Variants in ATP11B observed in about 807,000 individuals in gnomAD.
ATP11B encodes ATPase phospholipid transporting 11B (putative).
A neutral mutation model predicts 157.8 loss-of-function variants in ATP11B; 81 were observed. The observed-to-expected ratio is 0.51, with a 90% CI of 0.43 to 0.62. The LOEUF is 0.62. Ranked by LOEUF, ATP11B falls within the 20% of genes least tolerant of loss-of-function variation. The pLI, the probability that ATP11B is intolerant of heterozygous loss-of-function variation, is 0.00. For synonymous variants in ATP11B, 451 were observed against 469.4 expected, an observed-to-expected ratio of 0.96 and a Z score of 0.51; for missense variants, 1,165 against 1,402.2, an observed-to-expected ratio of 0.83 and a Z score of 2.70.
At chr3:182,913,662 T>C (rs1724950736) in intron 28 of ATP11B, among the ~76,000 whole-genome samples, 199 bp from the exon 29 acceptor site, 1 of 152,246 alleles carries the variant, frequency 6.6e-6, no homozygotes, top group Non-Finnish European at 1.5e-5. Context: ...ACCTCTAATT[T>C]AGGATACAAG....
At chr3:182,889,388 CT>C (rs753714126) in intron 24 of ATP11B, 21 bp from the exon 25 acceptor site, 1 of 1,488,890 alleles carries the variant, frequency 6.7e-7, no homozygotes, top group Non-Finnish European at 9.0e-7. Context: ...TAATATGTTT[CT>C]TTTTCTCTTC....
chr3:182,859,260 T>G lies in ATP11B; in HGVS notation c.1101T>G (p.Leu367=), dbSNP rs1262935131. 2 of 1,612,552 alleles carry G rather than the reference T, an allele frequency of 1.2e-6. No homozygotes were observed. The highest frequency in any genetic ancestry group is 1.7e-6 in the Non-Finnish European group (2 of 1,179,226). Residue 367 remains leucine, a synonymous_variant, in exon 12 of 30, where the codon CTT becomes CTG. Coordinates refer to ENST00000323116, the MANE Select transcript of ATP11B (RefSeq NM_014616.3). ...LYVTVEMQKF[L]GSFFIGWDLD... ...TGACAGTCGAAATGCAGAAATTTCT[T>G]GGATCATTTTTTATTGGCTGGGATC...
chr3:182,875,607 A>G (rs796974535), intron 19 of ATP11B, among the ~76,000 whole-genome samples: 1 of 152,070 alleles, frequency 6.6e-6, no homozygotes, highest in Non-Finnish European at 1.5e-5. Context: ...GTGCCCAGCT[A>G]ATTTTGTATT....
chr3:182,886,554 G>T (rs1463531221), intron 23 of ATP11B, among the ~76,000 whole-genome samples: 1 of 152,022 alleles, frequency 6.6e-6, no homozygotes, highest in Non-Finnish European at 1.5e-5. Flanking sequence ...GCACAAGGTG[G>T]GTCTTTGTTT....
intron 6 of ATP11B, 109 bp downstream of exon 6, chr3:182,836,579 G>T (rs1348628477): frequency 2.4e-6 from 3 of 1,268,622 alleles, no homozygotes; most frequent in Admixed American, 2.4e-5. Flanking sequence ...TTAAGGGGAA[G>T]TTTTTAAAAT....
chr3:182,898,700 A>C lies in ATP11B; in HGVS notation c.3246A>C (p.Thr1082=). 1.2e-6 allele frequency: 2 copies of C among 1,603,860 alleles called. No homozygotes were observed. ...AWFAIILMVV[T]CLFLDIIKKV... The stretch of plus-strand genomic sequence containing the variant: ...TTGCCATAATCCTCATGGTTGTTAC[A>C]TGTCTATTTCTTGATATCATAAAGA... The change falls in exon 28 of 30, where the codon ACA becomes ACC. Residue 1082 remains threonine, a synonymous_variant. Coordinates refer to ENST00000323116, the MANE Select transcript of ATP11B (RefSeq NM_014616.3).
intron 7 of ATP11B, 152 bp from the exon 8 acceptor site, chr3:182,841,923 G>GAGC: frequency 2.1e-6 from 1 of 476,758 alleles, no homozygotes; most frequent in East Asian, 4.2e-5. Context: ...AGCTTGCAGT[G>GAGC]AGCCGAGATC....
intron 23 of ATP11B, among the ~76,000 whole-genome samples, chr3:182,886,236 A>T (rs763674921): frequency 2.0e-5 from 3 of 152,120 alleles, no homozygotes; most frequent in Non-Finnish European, 4.4e-5. Context: ...GTAATTCTGG[A>T]TGCTTTTAAA....
At chr3:182,902,177 C>T (rs1325352171) in intron 28 of ATP11B, among the ~76,000 whole-genome samples, 1 of 152,190 alleles carries the variant, frequency 6.6e-6, no homozygotes, top group East Asian at 1.9e-4. Flanking sequence ...AGAAAGCTAT[C>T]AGCTACTTCA....
chr3:182,841,940 C>CTGCACTCCA, intron 7 of ATP11B, 135 bp from the exon 8 acceptor site: 1 of 526,146 alleles, frequency 1.9e-6, no homozygotes, highest in East Asian at 3.6e-5. Context: ...GATCGCACCA[C>CTGCACTCCA]TGCACTCCAG....
At chr3:182,861,657 T>C (rs1314251151) in intron 12 of ATP11B, among the ~76,000 whole-genome samples, 1 of 152,206 alleles carries the variant, frequency 6.6e-6, no homozygotes, top group Non-Finnish European at 1.5e-5. Context: ...CACAAAGTTT[T>C]GATTATGCTC....
rs1235194137 is a variant in ATP11B at position 182,865,646 on chromosome 3, A to G, written c.1391A>G (p.His464Arg). 7 of 1,613,660 alleles carry G rather than the reference A, an allele frequency of 4.3e-6. No homozygotes were observed. Among genetic ancestry groups the G allele is most frequent in the East Asian group, 2.2e-5 (1 of 44,814 alleles). ...TTATCCCATCTTAACAACTTATCCC[A>G]TCTTACAACCAGTTCCTCTTTCAGA... ...SSLSHLNNLSHLTTSSSFRTS... is the reference protein window; with the variant it reads ...SSLSHLNNLSRLTTSSSFRTS... The change falls in exon 13 of 30, where the codon CAT becomes CGT. Residue 464 changes from histidine (H) to arginine (R), a missense_variant. This residue lies in a region of ATP11B where 737 missense variants were observed against 930.5 expected (regional missense o/e 0.79). Transcript: ENST00000323116.
At chr3:182,836,268 C>G in intron 5 of ATP11B, 74 bp from the exon 6 acceptor site, 1 of 1,592,052 alleles carries the variant, frequency 6.3e-7, no homozygotes, top group Non-Finnish European at 8.6e-7. Context: ...TAGGCTGCTT[C>G]TTTAGAGCCC....
At chr3:182,915,298 G>A (rs1290561873) in intron 29 of ATP11B, 5 of 985,240 alleles carry the variant, frequency 5.1e-6, no homozygotes, top group Admixed American at 6.1e-5. Context: ...TGATTATAAC[G>A]TGATCTGAAA....
chr3:182,804,124 T>C (rs1167867226), intron 1 of ATP11B, among the ~76,000 whole-genome samples: 3 of 152,212 alleles, frequency 2.0e-5, no homozygotes, highest in Admixed American at 2.0e-4. Flanking sequence ...TTTTTTCCCT[T>C]TGATGATTAT....
At chr3:182,913,805 C>T (rs1577123411) in intron 28 of ATP11B, 56 bp from the exon 29 acceptor site, 3 of 1,612,744 alleles carry the variant, frequency 1.9e-6, no homozygotes, top group East Asian at 4.5e-5. Flanking sequence ...TGTTCTAATG[C>T]TTTTCAGAAG....
chr3:182,907,885 G>A (rs527557667), intron 28 of ATP11B, among the ~76,000 whole-genome samples: 2 of 152,270 alleles, frequency 1.3e-5, no homozygotes, highest in African/African-American at 4.8e-5. Flanking sequence ...TGAGAATTGG[G>A]TTCTTAGAAT....
At chr3:182,896,637 C>A in intron 25 of ATP11B, 63 bp from the exon 26 acceptor site, 1 of 1,409,584 alleles carries the variant, frequency 7.1e-7, no homozygotes, top group Non-Finnish European at 1.0e-6. Context: ...AATTAAATGA[C>A]TTTTTACCTG....
Position 182,837,097 on chromosome 3 carries a change from A to G in ATP11B, c.579A>G (p.Ala193=), listed in dbSNP as rs1156233166. The G allele has an allele frequency of 2.5e-6, 4 of 1,613,388 alleles. No individual in the cohort carries two copies. Among genetic ancestry groups the G allele is most frequent in the South Asian group, 2.2e-5 (2 of 91,012 alleles). ...LKTHVAVPET[A]LLQTVANLDT... is the part of the protein sequence containing the mutation. ...CACATGTGGCAGTTCCAGAAACAGC[A>G]TTATTACAAACAGTTGCCAATTTGG... Residue 193 remains alanine (A), a synonymous_variant, in exon 7 of 30, where the codon GCA becomes GCG. Coordinates refer to ENST00000323116, the MANE Select transcript of ATP11B (RefSeq NM_014616.3).
Sources: gnomAD v4.1 joint callset for allele counts (sites outside exome capture counted in the v4.1 genomes callset) on GRCh38, gnomAD v4.1.1 for gene constraint, gnomAD v4.1.1 regional missense constraint, MANE v1.5 for transcripts, NCBI Gene and HGNC (gene_info 2026-07-23, HGNC 2026-07-21) for gene names.